Variants in ATIC observed in about 807,000 individuals in gnomAD.
The protein encoded by ATIC is 5-aminoimidazole-4-carboxamide ribonucleotide formyltransferase/IMP cyclohydrolase.
Under a neutral mutation model 72.5 loss-of-function variants are expected in ATIC, and 64 were observed. The observed-to-expected ratio is 0.88, with a 90% CI of 0.72 to 1.09. The LOEUF (loss-of-function observed/expected upper bound fraction) is 1.09, where lower values mean the gene tolerates loss of function less well. ATIC is among the 50% of genes least tolerant of loss of function. ATIC has a pLI of 0.00. For missense variants in ATIC, 787 were observed against 732.4 expected, an observed-to-expected ratio of 1.07 and a Z score of -0.86; for synonymous variants, 281 against 267.1, an observed-to-expected ratio of 1.05 and a Z score of -0.51.
chr2:215,327,889 AT>A (rs140657850), intron 7 of ATIC, among the ~76,000 whole-genome samples: 3,752 of 146,718 alleles, frequency 0.026, 100 homozygotes, highest in African/African-American at 0.069. Context: ...CCTCAGATAG[AT>A]TTTTTTTTTT....
intron 6 of ATIC, 129 bp from the exon 7 acceptor site, chr2:215,326,693 A>T: frequency 1.8e-6 from 2 of 1,095,134 alleles, no homozygotes; most frequent in Admixed American, 1.7e-5. Flanking sequence ...TCATGGTGTC[A>T]TCGTGTTGTG....
chr2:215,314,464 G>A (rs1406326830), intron 2 of ATIC, among the ~76,000 whole-genome samples: 2 of 151,720 alleles, frequency 1.3e-5, no homozygotes, highest in Non-Finnish European at 2.9e-5. Flanking sequence ...TAAGTAACTC[G>A]CTCGAGATTA....
At chr2:215,367,908 G>T in the ATIC span, 1 of 1,614,106 alleles carries the variant, frequency 6.2e-7, no homozygotes, top group East Asian at 2.2e-5. Context: ...CCTAAGCACT[G>T]GCACAACAGT....
At chr2:215,339,111 A>G (rs544482535) in intron 12 of ATIC, among the ~76,000 whole-genome samples, 8 of 152,256 alleles carry the variant, frequency 5.3e-5, no homozygotes, top group African/African-American at 1.9e-4. Context: ...GTGCATATGT[A>G]CACACTAGAG....
intron 14 of ATIC, chr2:215,347,741 A>G (rs769004129): frequency 6.4e-6 from 3 of 466,992 alleles, no homozygotes; most frequent in Non-Finnish European, 1.3e-5. Context: ...ATTACCAGTC[A>G]ACCCCTGCTA....
intron 7 of ATIC, among the ~76,000 whole-genome samples, chr2:215,329,744 T>A (rs2052869008): frequency 6.6e-6 from 1 of 152,150 alleles, no homozygotes; most frequent in Non-Finnish European, 1.5e-5. Flanking sequence ...TTTGAAAATT[T>A]GATATTTGAA....
Position 215,332,418 on chromosome 2 carries a change from A to T in ATIC, c.725A>T (p.Asp242Val). ...GCCCCTGGATTTATAAACTTGTGCG[A>T]TGCTTTGAACGCCTGGCAGCTGGTG... ...NGAPGFINLC[D>V]ALNAWQLVKE... is the part of the protein sequence containing the mutation. The change falls in exon 8 of 16, where the codon GAT (aspartate) becomes GTT (valine). Residue 242 changes from aspartate to valine, a missense_variant. Coordinates refer to ENST00000236959, the MANE Select transcript of ATIC (RefSeq NM_004044.7). The T allele has an allele frequency of 6.2e-7, 1 of 1,614,090 alleles. No individual in the cohort carries two copies. The highest frequency in any genetic ancestry group is 8.5e-7 in the Non-Finnish European group (1 of 1,180,032).
At chr2:215,329,801 C>T (rs1057033564) in intron 7 of ATIC, among the ~76,000 whole-genome samples, 5 of 151,900 alleles carry the variant, frequency 3.3e-5, no homozygotes, top group African/African-American at 9.7e-5. Flanking sequence ...CTTGCTCTGT[C>T]GCCCAGGCTG....
chr2:215,339,055 G>C (rs1174104704), intron 12 of ATIC, 148 bp downstream of exon 12: 2 of 1,128,844 alleles, frequency 1.8e-6, no homozygotes, highest in African/African-American at 3.1e-5. Context: ...TGTCACATAA[G>C]CTTTGGAGTT....
chr2:215,325,490 A>T (rs1198034932), intron 5 of ATIC, among the ~76,000 whole-genome samples, 161 bp downstream of exon 5: 1 of 151,854 alleles, frequency 6.6e-6, no homozygotes, highest in Non-Finnish European at 1.5e-5. Context: ...TCTTTTTTTC[A>T]TTTATATTTT....
In ATIC at chr2:215,333,467, A is replaced by C; in HGVS notation, c.922+10A>C. The C allele has an allele frequency of 6.2e-7, 1 of 1,608,968 alleles. No individual in the cohort carries two copies. Among genetic ancestry groups the C allele is most frequent in the Non-Finnish European group, 8.5e-7 (1 of 1,175,628 alleles). Reference sequence around the variant, plus strand: ...TATGCAAGAGCAAGAGGTCAGACTCATAGGGCTTTTTGATTTGGGGGAGAA... The same window carrying C: ...TATGCAAGAGCAAGAGGTCAGACTCCTAGGGCTTTTTGATTTGGGGGAGAA... On this transcript the variant is annotated intron_variant, in intron 9 of 15. Coordinates refer to ENST00000236959, the MANE Select transcript of ATIC (RefSeq NM_004044.7).
chr2:215,319,801 C>A, intron 4 of ATIC, 70 bp downstream of exon 4: 5 of 1,254,682 alleles, frequency 4.0e-6, no homozygotes, highest in Non-Finnish European at 5.8e-6. Flanking sequence ...ACCTGGTGTC[C>A]CTGTGTTTTC....
the ATIC span, among the ~76,000 whole-genome samples, chr2:215,358,094 CT>C: frequency 5.9e-5 from 9 of 152,294 alleles, no homozygotes; most frequent in Non-Finnish European, 1.0e-4. Flanking sequence ...TAATTTCCCC[CT>C]GATCATTTCT....
chr2:215,326,825 T>C lies in ATIC; in HGVS notation c.535T>C (p.Phe179Leu), dbSNP rs2052832642. 1 of 1,614,032 alleles carries C rather than the reference T, an allele frequency of 6.2e-7. No individual in the cohort carries two copies. Among genetic ancestry groups the C allele is most frequent in the Non-Finnish European group, 8.5e-7 (1 of 1,180,026 alleles). ...ACAAAACTTACGCTTTTTGTAGGCATTCACTCATACGGCACAATATGATGA... is the reference window on the plus strand; with the variant it reads ...ACAAAACTTACGCTTTTTGTAGGCACTCACTCATACGGCACAATATGATGA... ...ETRRQLALKA[F>L]THTAQYDEAI... Residue 179 changes from phenylalanine to leucine, a missense_variant, in exon 7 of 16, where the codon TTC becomes CTC. Transcript: ENST00000236959.
intron 5 of ATIC, 152 bp from the exon 6 acceptor site, chr2:215,325,835 G>A (rs2052817943): frequency 1.1e-6 from 1 of 916,326 alleles, no homozygotes; most frequent in Non-Finnish European, 1.6e-6. Flanking sequence ...CAAAGTGCTG[G>A]GATTCCAGGC....
intron 2 of ATIC, among the ~76,000 whole-genome samples, chr2:215,315,131 C>A (rs753610456): frequency 6.6e-6 from 1 of 152,128 alleles, no homozygotes; most frequent in African/African-American, 2.4e-5. Flanking sequence ...TTCTCCACCC[C>A]CTAAGGATCT....
chr2:215,337,692 TTTG>T (rs2052972167), intron 11 of ATIC, among the ~76,000 whole-genome samples: 1 of 152,114 alleles, frequency 6.6e-6, no homozygotes, highest in Non-Finnish European at 1.5e-5. Flanking sequence ...AAGTTTTTTT[TTTG>T]TTGTTGTTGT....
chr2:215,344,680 A>G (rs2053053676), intron 12 of ATIC, 99 bp from the exon 13 acceptor site: 10 of 1,162,564 alleles, frequency 8.6e-6, no homozygotes, highest in Non-Finnish European at 1.2e-5. Context: ...TGAGACTCTG[A>G]CTCAAAAAAA....
downstream of ATIC, among the ~76,000 whole-genome samples, chr2:215,354,360 A>G (rs1299700461): frequency 6.6e-6 from 1 of 151,956 alleles, no homozygotes; most frequent in African/African-American, 2.4e-5. Flanking sequence ...GGTATTTTCA[A>G]GCTTCTATAA....
Sources: gnomAD v4.1 joint callset for allele counts (sites outside exome capture counted in the v4.1 genomes callset) on GRCh38, gnomAD v4.1.1 for gene constraint, MANE v1.5 for transcripts, NCBI Gene and HGNC (gene_info 2026-07-23, HGNC 2026-07-21) for gene names.